The following TBL1X variants were observed in gnomAD, a reference collection of about 807,000 sequenced individuals.
TBL1X encodes F-box-like/WD repeat-containing protein TBL1X.
In TBL1X, 10 loss-of-function variants were observed where a neutral mutation model predicts 50.7. The ratio of observed to expected loss-of-function variants is 0.20; its 90% CI spans 0.12 to 0.33. The LOEUF is 0.33. Ranked by LOEUF, TBL1X falls within the 10% of genes least tolerant of loss-of-function variation. The pLI is 1.00. For synonymous variants in TBL1X, 190 were observed against 214.7 expected, an observed-to-expected ratio of 0.88 and a Z score of 1.01; for missense variants, 340 against 504.4, an observed-to-expected ratio of 0.67 and a Z score of 3.12.
rs146664877 is a variant in TBL1X at position 9,634,810 on chromosome X, C to T, written c.-130-5463C>T. The stretch of plus-strand genomic sequence containing the variant: ...AAACACTCCCCTACTTACTCTAAAA[C>T]TCCAGTCGATTGGCTTCCAAGTTCA... On this transcript the variant is annotated intron_variant, in intron 2 of 17. Transcript: ENST00000645353. Among the ~76,000 whole-genome samples, 798 of 111,740 alleles carry T rather than the reference C, an allele frequency of 7.1e-3. 3 individuals carry two copies. The highest frequency in any genetic ancestry group is 0.014 in the Admixed American group (143 of 10,562).
At chrX:9,534,017 C>T (rs185207334) in intron 2 of TBL1X, among the ~76,000 whole-genome samples, 2 of 111,564 alleles carry the variant, frequency 1.8e-5, no homozygotes, top group Non-Finnish European at 3.8e-5. Flanking sequence ...GAACCCAGAA[C>T]CATGCGGGAG....
chrX:9,652,768 T>A (rs1278855982), intron 3 of TBL1X, among the ~76,000 whole-genome samples: 1 of 109,194 alleles, frequency 9.2e-6, no homozygotes, highest in Non-Finnish European at 1.9e-5. Context: ...AGAGGATTGC[T>A]TGAGCCCGGG....
intron 1 of TBL1X, among the ~76,000 whole-genome samples, chrX:9,477,897 G>A (rs1246908261): frequency 9.0e-6 from 1 of 111,715 alleles, no homozygotes; most frequent in African/African-American, 3.3e-5. Flanking sequence ...CCCTTTTGTG[G>A]ATATTTTAGA....
At chrX:9,614,422 T>A in intron 2 of TBL1X, among the ~76,000 whole-genome samples, 1 of 111,372 alleles carries the variant, frequency 9.0e-6, no homozygotes, top group Non-Finnish European at 1.9e-5. Context: ...ATTAGCCGGA[T>A]GTGTTGATGC....
At chrX:9,586,950 A>G (rs2082473236) in intron 2 of TBL1X, among the ~76,000 whole-genome samples, 1 of 112,323 alleles carries the variant, frequency 8.9e-6, no homozygotes, top group Non-Finnish European at 1.9e-5. Flanking sequence ...TTTTGTGTGC[A>G]GGAACGATTG....
chrX:9,482,741 G>T, intron 1 of TBL1X, among the ~76,000 whole-genome samples: 1 of 110,817 alleles, frequency 9.0e-6, no homozygotes, highest in Non-Finnish European at 1.9e-5. Flanking sequence ...TAAGAATAAG[G>T]TGTATGAAAG....
At chrX:9,673,481 C>T (rs1216391041) in intron 5 of TBL1X, among the ~76,000 whole-genome samples, 6 of 111,749 alleles carry the variant, frequency 5.4e-5, no homozygotes, top group Non-Finnish European at 9.4e-5. Flanking sequence ...AGATGAGAAA[C>T]CCAAGGTACT....
intron 1 of TBL1X, among the ~76,000 whole-genome samples, chrX:9,472,642 G>C: frequency 9.1e-6 from 1 of 110,245 alleles, no homozygotes; most frequent in Middle Eastern, 4.7e-3. Flanking sequence ...TAAGAGGCCA[G>C]GTGTGGTGGC....
At chrX:9,470,727 C>G (rs751884535) in intron 1 of TBL1X, among the ~76,000 whole-genome samples, 1 of 111,271 alleles carries the variant, frequency 9.0e-6, no homozygotes, top group East Asian at 2.8e-4. Flanking sequence ...CTCCGCTTCC[C>G]GGGATCAAGC....
Position 9,693,204 on chromosome X carries a change from C to G in TBL1X, c.947C>G (p.Thr316Arg). The G allele has an allele frequency of 1.7e-6, 2 of 1,211,265 alleles. No individual in the cohort carries two copies. Residue 316 changes from threonine to arginine, a missense_variant, in exon 10 of 18, where the codon ACG becomes AGG. Physicochemically the swap from Thr to Arg is moderately conservative, Grantham distance 71. Transcript: ENST00000645353. The part of the protein sequence containing the change: ...GSYDGFARIW[T>R]EDGNLASTLG... ...TATGACGGTTTTGCAAGAATATGGA[C>G]GGAAGATGGTGAGTTCTGTGTCCCT...
intron 11 of TBL1X, among the ~76,000 whole-genome samples, chrX:9,694,298 A>G (rs1003811393): frequency 6.3e-5 from 7 of 111,389 alleles, no homozygotes; most frequent in African/African-American, 1.6e-4. Context: ...ACTGGAAACC[A>G]TGCCTGAATA....
intron 2 of TBL1X, among the ~76,000 whole-genome samples, chrX:9,523,588 ACT>A (rs1210117715): frequency 9.0e-6 from 1 of 111,517 alleles, no homozygotes; most frequent in African/African-American, 3.3e-5. Context: ...GATGCTCAAG[ACT>A]CTCTCAAAAC....
chrX:9,659,260 C>T (rs1471485914), intron 5 of TBL1X, among the ~76,000 whole-genome samples: 4 of 112,587 alleles, frequency 3.6e-5, no homozygotes, highest in African/African-American at 1.3e-4. Context: ...TCCCTTTGTA[C>T]TCAGCTCCTC....
chrX:9,664,409 G>C (rs1221946949), intron 5 of TBL1X, among the ~76,000 whole-genome samples: 1 of 111,412 alleles, frequency 9.0e-6, no homozygotes, highest in African/African-American at 3.3e-5. Flanking sequence ...GATTCGAGTG[G>C]CAGCCCTATT....
intron 2 of TBL1X, among the ~76,000 whole-genome samples, chrX:9,524,108 C>T (rs899336801): frequency 9.2e-6 from 1 of 108,817 alleles, no homozygotes; most frequent in Non-Finnish European, 1.9e-5. Context: ...GCTGGGATTA[C>T]AGGCACACGC....
intron 6 of TBL1X, among the ~76,000 whole-genome samples, chrX:9,686,769 C>A (rs761582678): frequency 2.7e-5 from 3 of 111,915 alleles, no homozygotes; most frequent in Non-Finnish European, 5.6e-5. Context: ...TGGACAGTTA[C>A]CGCGTTTTGT....
intron 1 of TBL1X, among the ~76,000 whole-genome samples, chrX:9,495,429 A>G (rs2081966622): frequency 9.0e-6 from 1 of 110,541 alleles, no homozygotes; most frequent in Non-Finnish European, 1.9e-5. Context: ...TTCCTGGGAT[A>G]GCTGCATCTT....
rs770447757 is a variant in TBL1X, at chrX:9,705,026, C to T, written c.1148C>T (p.Thr383Met). The stretch of plus-strand genomic sequence containing the variant: ...CTTGATGTGGACTGGCAGAACAACA[C>T]GACCTTTGCCTCCTGTAGCACAGAC... ...PALDVDWQNN[T>M]TFASCSTDMC... The change falls in exon 13 of 18, where the codon ACG becomes ATG. Residue 383 changes from threonine (T) to methionine (M), a missense_variant. Physicochemically the swap from Thr to Met is moderately conservative, Grantham distance 81. Transcript: ENST00000645353. 1.6e-5 allele frequency: 19 copies of T among 1,210,970 alleles called. No individual in the cohort carries two copies. Among genetic ancestry groups the T allele is most frequent in the East Asian group, 1.2e-4 (4 of 33,815 alleles).
intron 2 of TBL1X, among the ~76,000 whole-genome samples, chrX:9,589,875 A>G (rs2082490165): frequency 8.9e-6 from 1 of 111,803 alleles, no homozygotes; most frequent in African/African-American, 3.3e-5. Context: ...AACCCAGCAG[A>G]TACCACCTAG....
Sources: gnomAD v4.1 joint callset for allele counts (sites outside exome capture counted in the v4.1 genomes callset) on GRCh38, gnomAD v4.1.1 for gene constraint, MANE v1.5 for transcripts, NCBI Gene and HGNC (gene_info 2026-07-23, HGNC 2026-07-21) for gene names.